CD163L1: variants seen among roughly 807,000 people sequenced by gnomAD.
The protein encoded by CD163L1 is CD163 molecule like 1.
A neutral mutation model predicts 165.4 loss-of-function variants in CD163L1; 124 were observed. The ratio of observed to expected loss-of-function variants is 0.75; its 90% confidence interval spans 0.65 to 0.87. CD163L1 has a LOEUF of 0.87. CD163L1 is among the 40% of genes least tolerant of loss of function. CD163L1 has a pLI of 0.00. For synonymous variants in CD163L1, 585 were observed against 662.2 expected (o/e 0.88, Z 1.79); for missense variants, 1,525 against 1,799.9 (o/e 0.85, Z 2.76).
intron 2 of CD163L1, among the ~76,000 whole-genome samples, chr12:7,440,546 C>G (rs1251389122): frequency 6.6e-6 from 1 of 151,718 alleles, no homozygotes; most frequent in African/African-American, 2.4e-5. Flanking sequence ...TTTTTATTAA[C>G]CGATTTTTCT....
rs757174676 is a variant in CD163L1, at chr12:7,435,156, G to A, written c.125-1462C>T. The stretch of plus-strand genomic sequence containing the variant: ...GCCATTTCTATTTTTTCAATATACT[G>A]ATTAAGGTGTTTTTTTCAACGTGTA... On this transcript the variant is annotated intron_variant, in intron 2 of 19. Coordinates refer to ENST00000313599, the MANE Select transcript of CD163L1 (RefSeq NM_174941.6). Among the ~76,000 whole-genome samples the A allele has an allele frequency of 7.2e-5, 11 of 151,840 alleles. No individual in the cohort carries two copies. The East Asian group carries it at 2.1e-3, about 29-fold the overall frequency.
chr12:7,391,541 C>A (rs952245047), intron 8 of CD163L1, among the ~76,000 whole-genome samples: 6 of 152,054 alleles, frequency 3.9e-5, no homozygotes, highest in African/African-American at 1.4e-4. Context: ...CCTGATGGAG[C>A]CGAAAACCAT....
chr12:7,417,503 G>T (rs1948269846), intron 4 of CD163L1, among the ~76,000 whole-genome samples: 1 of 152,056 alleles, frequency 6.6e-6, no homozygotes, highest in African/African-American at 2.4e-5. Flanking sequence ...TTTCAAAGGG[G>T]ATGTTTCCAG....
Position 7,369,436 on chromosome 12 carries a change from T to C in CD163L1, c.3960A>G (p.Ser1320=). ...GTTTGGCGTGACAGTCCCATAGAAA[T>C]GACTCATTTCCTTTGCACCGCATGT... The part of the protein sequence containing the change: ...LDDMRCKGNE[S]FLWDCHAKPW... Residue 1320 remains serine (S), a synonymous_variant, in exon 15 of 20, where the codon TCA becomes TCG. Coordinates refer to ENST00000313599, the MANE Select transcript of CD163L1 (RefSeq NM_174941.6). The surrounding 1 kb of genome is among the most constrained non-coding windows in gnomAD (Gnocchi z 4.9). The C allele has an allele frequency of 6.2e-7, 1 of 1,614,142 alleles. No homozygotes were observed. Among genetic ancestry groups the C allele is most frequent in the Non-Finnish European group, 8.5e-7 (1 of 1,180,028 alleles).
chr12:7,338,367 CAT>C, the CD163L1 span, among the ~76,000 whole-genome samples: 7 of 152,138 alleles, frequency 4.6e-5, no homozygotes, highest in South Asian at 2.1e-4. Context: ...CATGTTGACA[CAT>C]GTTTTGGGGA....
chr12:7,379,512 A>C (rs1416836127), intron 8 of CD163L1, among the ~76,000 whole-genome samples: 4 of 152,202 alleles, frequency 2.6e-5, no homozygotes, highest in Non-Finnish European at 5.9e-5. Context: ...AAGTACACCA[A>C]GGTATGTTTC....
intron 8 of CD163L1, among the ~76,000 whole-genome samples, chr12:7,384,436 G>A (rs887478255): frequency 2.0e-5 from 3 of 152,034 alleles, no homozygotes; most frequent in African/African-American, 7.2e-5. Flanking sequence ...GATACAAGAA[G>A]CTGAAAGATC....
chr12:7,327,097 C>G, the CD163L1 span: 1 of 1,596,684 alleles, frequency 6.3e-7, no homozygotes, highest in East Asian at 2.2e-5. Context: ...CCAAGAAAGG[C>G]AAGTGCTTTG....
the CD163L1 span, among the ~76,000 whole-genome samples, chr12:7,334,551 A>C: frequency 1.3e-5 from 2 of 152,264 alleles, no homozygotes; most frequent in East Asian, 3.9e-4. Flanking sequence ...ATGGGCAAAA[A>C]CCGGAAGCAT....
At chr12:7,409,864 T>C (rs867553081) in intron 4 of CD163L1, among the ~76,000 whole-genome samples, 19 of 152,122 alleles carry the variant, frequency 1.2e-4, no homozygotes, top group African/African-American at 4.3e-4. Context: ...GAATTGTGCA[T>C]CTTACTCTCT....
In CD163L1 at chr12:7,433,535, A is replaced by G; in HGVS notation, c.284T>C (p.Phe95Ser). 1 of 1,614,186 alleles carries G rather than the reference A, an allele frequency of 6.2e-7. No individual in the cohort carries two copies. ...VCKQLGCPFS[F>S]AMFRFGQAVT... ...GGCTTGTCCAAAACGAAACATGGCG[A>G]AAGAAAATGGACATCCAAGCTGTTT... The change falls in exon 3 of 20, where the codon TTC (phenylalanine) becomes TCC (serine). Residue 95 changes from phenylalanine (F) to serine (S), a missense_variant. Coordinates refer to ENST00000313599, the MANE Select transcript of CD163L1 (RefSeq NM_174941.6).
chr12:7,322,618 T>G, the CD163L1 span: 1 of 1,507,998 alleles, frequency 6.6e-7, no homozygotes, highest in African/African-American at 1.4e-5. Flanking sequence ...GCCCCTGAAG[T>G]GCCCCCATCC....
intron 8 of CD163L1, among the ~76,000 whole-genome samples, chr12:7,385,697 GA>G (rs1270384903): frequency 6.6e-6 from 1 of 151,726 alleles, no homozygotes; most frequent in Non-Finnish European, 1.5e-5. Context: ...GGAAATCAAC[GA>G]CAAGATAAAT....
At chr12:7,436,747 T>C (rs1286317400) in intron 2 of CD163L1, among the ~76,000 whole-genome samples, 1 of 152,014 alleles carries the variant, frequency 6.6e-6, no homozygotes, top group African/African-American at 2.4e-5. Context: ...ACTACAAATT[T>C]GGCACTAATG....
chr12:7,323,121 T>G, the CD163L1 span: 4 of 910,134 alleles, frequency 4.4e-6, no homozygotes, highest in East Asian at 1.1e-4. Context: ...TTTCAGAAGG[T>G]GCGCCTGCAT....
chr12:7,439,919 A>G (rs1353364180), intron 2 of CD163L1: 2 of 1,598,472 alleles, frequency 1.3e-6, no homozygotes, highest in African/African-American at 1.3e-5. Context: ...ACTTCGGCCA[A>G]CTCCTCAGTG....
At chr12:7,408,201 AT>A (rs968293631) in intron 4 of CD163L1, among the ~76,000 whole-genome samples, 21 of 151,622 alleles carry the variant, frequency 1.4e-4, no homozygotes, top group African/African-American at 4.6e-4. Context: ...AATGAATGAG[AT>A]TTTTTTTACA....
intron 4 of CD163L1, among the ~76,000 whole-genome samples, chr12:7,349,484 T>C (rs1020213284): frequency 4.6e-5 from 7 of 152,170 alleles, no homozygotes; most frequent in African/African-American, 1.7e-4. Context: ...ATCCTAGTAA[T>C]GGTCAATGGT....
chr12:7,421,745 GTATATA>G (rs150499022), intron 4 of CD163L1, among the ~76,000 whole-genome samples: 29 of 1,752 alleles, frequency 0.017, no homozygotes, highest in African/African-American at 0.021. Context: ...ATGTGTGTGT[GTATATA>G]TATATATATA....
Sources: allele counts gnomAD v4.1 joint callset (sites outside exome capture counted in the v4.1 genomes callset), GRCh38; gene constraint gnomAD v4.1.1; non-coding constraint Gnocchi (gnomAD v3.1); transcripts MANE v1.5; gene names NCBI Gene and HGNC (gene_info 2026-07-23, HGNC 2026-07-21).